The following TMEM35A variants were observed in gnomAD, a reference collection of about 807,000 sequenced individuals.
The protein encoded by TMEM35A is nicotinic acetylcholine receptor chaperone.
For missense variants in TMEM35A, 83 were observed against 132.7 expected, an observed-to-expected ratio of 0.63 and a Z score of 1.84; for synonymous variants, 50 against 54.7, an observed-to-expected ratio of 0.91 and a Z score of 0.38.
intron 1 of TMEM35A, among the ~76,000 whole-genome samples, chrX:101,087,706 T>C (rs2089311543): frequency 9.0e-6 from 1 of 111,677 alleles, no homozygotes; most frequent in Admixed American, 9.6e-5. Flanking sequence ...AAAGAAGTGT[T>C]TCCAGAAGCC....
intron 1 of TMEM35A, among the ~76,000 whole-genome samples, chrX:101,093,753 C>T (rs2089330862): frequency 8.9e-6 from 1 of 112,002 alleles, no homozygotes; most frequent in Non-Finnish European, 1.9e-5. Flanking sequence ...AACTGGGTAG[C>T]TTATAAACAA....
chrX:101,083,022 T>C (rs2090135459), intron 1 of TMEM35A, among the ~76,000 whole-genome samples: 2 of 111,681 alleles, frequency 1.8e-5, no homozygotes, highest in African/African-American at 6.5e-5. Flanking sequence ...TCAATTAATA[T>C]TGAAAAATCC....
Position 101,094,835 on chromosome X carries a change from G to A in TMEM35A, c.383G>A (p.Arg128His). 8.3e-7 allele frequency: 1 copy of A among 1,210,697 alleles called. No homozygotes were observed. The highest frequency in any genetic ancestry group is 1.1e-6 in the Non-Finnish European group (1 of 895,501). Residue 128 changes from arginine to histidine, a missense_variant, in exon 2 of 2, where the codon CGC becomes CAC. Coordinates refer to ENST00000372930, the MANE Select transcript of TMEM35A (RefSeq NM_021637.3). ...GTGTTTGGAATCCTGCTCACTTGCC[G>A]CCTGCTGATTGCTCGCAAGCCCGAA... ...ALVFGILLTCRLLIARKPEDR... is the reference protein window; with the variant it reads ...ALVFGILLTCHLLIARKPEDR...
chrX:101,092,793 G>A (rs181335824), intron 1 of TMEM35A, among the ~76,000 whole-genome samples: 350 of 110,577 alleles, frequency 3.2e-3, no homozygotes, highest in African/African-American at 0.011. Flanking sequence ...CCTGGGAGGC[G>A]GAGGTTGCAG....
Position 101,094,701 on chromosome X carries a change from T to G in TMEM35A, c.249T>G (p.Pro83=), listed in dbSNP as rs1312060606. The change falls in exon 2 of 2, where the codon CCT becomes CCG. Residue 83 remains proline, a synonymous_variant. Transcript: ENST00000372930. ...VACGIVMTLV[P]GRPKDVANFF... ...GTGGCATCGTCATGACCCTTGTGCC[T>G]GGGCGTCCCAAAGATGTGGCCAACT... 5.8e-6 allele frequency: 7 copies of G among 1,209,594 alleles called. No homozygotes were observed. Among genetic ancestry groups the G allele is most frequent in the Non-Finnish European group, 7.8e-6 (7 of 895,276 alleles).
At chrX:101,087,505 A>G (rs761762342) in intron 1 of TMEM35A, among the ~76,000 whole-genome samples, 11 of 112,277 alleles carry the variant, frequency 9.8e-5, no homozygotes, top group Non-Finnish European at 1.5e-4. Context: ...ATAAAAATAT[A>G]CACAGCTGCA....
chrX:101,092,131 C>G (rs2089325921), intron 1 of TMEM35A, among the ~76,000 whole-genome samples: 1 of 110,590 alleles, frequency 9.0e-6, no homozygotes, highest in African/African-American at 3.3e-5. Context: ...GTATCCAGAA[C>G]AGTGCCTAGC....
chrX:101,087,527 T>A (rs190910656), intron 1 of TMEM35A, among the ~76,000 whole-genome samples: 1 of 112,047 alleles, frequency 8.9e-6, no homozygotes, highest in African/African-American at 3.2e-5. Flanking sequence ...TTTAAGAGGT[T>A]AGCTAAACTA....
At chrX:101,080,193 G>A (rs1310040720) in intron 1 of TMEM35A, among the ~76,000 whole-genome samples, 1 of 111,590 alleles carries the variant, frequency 9.0e-6, no homozygotes, top group Non-Finnish European at 1.9e-5. Flanking sequence ...GAACAGAAGG[G>A]GAAAGAGAAA....
At chrX:101,087,895 C>T (rs1423670859) in intron 1 of TMEM35A, among the ~76,000 whole-genome samples, 1 of 109,787 alleles carries the variant, frequency 9.1e-6, no homozygotes, top group African/African-American at 3.3e-5. Context: ...GCCTGTAGTC[C>T]CAGCTACTCA....
In TMEM35A at chrX:101,094,873, GAGA is replaced by G. The variant is rs759373707; in HGVS notation, c.427_429del (p.Lys143del). 11 of 1,208,318 alleles carry G rather than the reference GAGA, an allele frequency of 9.1e-6. No homozygotes were observed. Among genetic ancestry groups the G allele is most frequent in the East Asian group, 8.9e-5 (3 of 33,716 alleles). ...TCGCAAGCCCGAAGACCGGTCTTCT[GAGA>G]AGAAGCCTTTGCCAGGGAATGCTGA... On this transcript the variant is annotated inframe_deletion, in exon 2 of 2. Coordinates refer to ENST00000372930, the MANE Select transcript of TMEM35A (RefSeq NM_021637.3).
At position 101,087,208 on chromosome X, in the gene TMEM35A, A is replaced by T. The variant is rs6652837; in HGVS notation, c.121-7365A>T. 6.9e-3 allele frequency among the ~76,000 whole-genome samples: 773 copies of T among 111,633 alleles called. 7 individuals are homozygous for T. Among genetic ancestry groups the T allele is most frequent in the African/African-American group, 0.024 (749 of 30,791 alleles). The stretch of plus-strand genomic sequence containing the variant: ...CAACCTCAGGTGATCCGCCCGCCTC[A>T]GCCTCCCAAAGTGCTGGGATGACAG... On this transcript the variant is annotated intron_variant, in intron 1 of 1. Coordinates refer to ENST00000372930, the MANE Select transcript of TMEM35A (RefSeq NM_021637.3).
At position 101,091,068 on chromosome X, in the gene TMEM35A, TGACCTCAGGCGATCCA is replaced by T. The variant is rs1321356350; in HGVS notation, c.121-3504_121-3489del. ...GTTGGCCAGACTGGTCTCGAACTCCTGACCTCAGGCGATCCACCCGCCTCGGCCTCCCAAAGTGCTG... is the reference window on the plus strand; with the variant it reads ...GTTGGCCAGACTGGTCTCGAACTCCTCCCGCCTCGGCCTCCCAAAGTGCTG... On this transcript the variant is annotated intron_variant, in intron 1 of 1. Transcript: ENST00000372930. Among the ~76,000 whole-genome samples, 3 of 110,772 alleles carry T rather than the reference TGACCTCAGGCGATCCA, an allele frequency of 2.7e-5. No individual in the cohort carries two copies. The East Asian group carries it at 8.5e-4, about 31-fold the overall frequency.
rs2089335019 is a variant in TMEM35A at position 101,095,006 on chromosome X, A to T, written c.*50A>T. On this transcript the variant is annotated 3_prime_UTR_variant, in exon 2 of 2. Coordinates refer to ENST00000372930, the MANE Select transcript of TMEM35A (RefSeq NM_021637.3). The stretch of plus-strand genomic sequence containing the variant: ...CCTTCCAGGCAGTTGCGTCCATGAC[A>T]CCAGGAAGATGTCAGTGTGTGTTTT... 9.1e-7 allele frequency: 1 copy of T among 1,094,324 alleles called. No homozygotes were observed. The highest frequency in any genetic ancestry group is 1.2e-6 in the Non-Finnish European group (1 of 830,266). The allele number at this position is 1,094,324 out of a possible 1,213,427, so 90.2% of individuals were successfully genotyped here.
chrX:101,090,109 T>A (rs1050521791), intron 1 of TMEM35A, among the ~76,000 whole-genome samples: 8 of 110,723 alleles, frequency 7.2e-5, no homozygotes, highest in African/African-American at 2.6e-4. Context: ...TTCCTCCTGC[T>A]TTTCTAACCA....
At chrX:101,092,457 ATC>A (rs767341620) in intron 1 of TMEM35A, among the ~76,000 whole-genome samples, 1 of 112,042 alleles carries the variant, frequency 8.9e-6, no homozygotes, top group Admixed American at 9.6e-5. Flanking sequence ...TTGTTTACAT[ATC>A]TGTTTCCCCC....
rs763405322 is a variant in TMEM35A at position 101,095,287 on chromosome X, C to CTGTG, written c.*352_*355dup. 2.4e-4 allele frequency: 34 copies of CTGTG among 142,563 alleles called. No homozygotes were observed. Among genetic ancestry groups the CTGTG allele is most frequent in the East Asian group, 3.3e-4 (2 of 6,011 alleles). The allele number at this position is 142,563 out of a possible 1,213,427, so 11.7% of individuals were successfully genotyped here. A position where few individuals can be genotyped will look rare whatever the true frequency, so the allele number is the denominator to read the frequency against. ...GTGTGGGAAAATGTATTTAACTACT[C>CTGTG]TGTGTGTGTGTGTGTGTGTGTGTGC... On this transcript the variant is annotated 3_prime_UTR_variant, in exon 2 of 2. Transcript: ENST00000372930.
chrX:101,091,372 A>G (rs1300549041), intron 1 of TMEM35A, among the ~76,000 whole-genome samples: 1 of 104,810 alleles, frequency 9.5e-6, no homozygotes, highest in Non-Finnish European at 1.9e-5. Flanking sequence ...GCACGATCAC[A>G]GCTCACTGAA....
intron 1 of TMEM35A, among the ~76,000 whole-genome samples, chrX:101,085,776 C>G (rs1367384930): frequency 9.4e-6 from 1 of 106,065 alleles, no homozygotes; most frequent in Admixed American, 1.0e-4. Context: ...AAAATACACA[C>G]ACACAAAAAA....
Sources: gnomAD v4.1 joint callset for allele counts (sites outside exome capture counted in the v4.1 genomes callset) on GRCh38, gnomAD v4.1.1 for gene constraint, MANE v1.5 for transcripts, NCBI Gene and HGNC (gene_info 2026-07-23, HGNC 2026-07-21) for gene names.